The following EFL1 variants were observed in gnomAD, a reference collection of about 807,000 sequenced individuals.
The protein encoded by EFL1 is elongation factor like GTPase 1.
In EFL1, 76 loss-of-function variants were observed where a neutral mutation model predicts 126.7. That is an observed-to-expected ratio of 0.60 (90% CI 0.50 to 0.73). The LOEUF (loss-of-function observed/expected upper bound fraction) is 0.73. EFL1 is among the 30% of genes least tolerant of loss of function. EFL1 has a pLI of 0.00. For synonymous variants in EFL1, 410 were observed against 448.4 expected, an observed-to-expected ratio of 0.91 and a Z score of 1.08; for missense variants, 1,128 against 1,343.2, an observed-to-expected ratio of 0.84 and a Z score of 2.50.
chr15:82,142,785 T>G (rs186398916), intron 18 of EFL1, among the ~76,000 whole-genome samples: 24 of 152,214 alleles, frequency 1.6e-4, no homozygotes, highest in African/African-American at 5.5e-4. Context: ...GCAAAACCAT[T>G]TGAGGTTTTG....
At chr15:82,144,546 ATTACT>A (rs1459685879) in intron 18 of EFL1, among the ~76,000 whole-genome samples, 1 of 152,226 alleles carries the variant, frequency 6.6e-6, no homozygotes, top group Non-Finnish European at 1.5e-5. Flanking sequence ...TTACTTTCTA[ATTACT>A]TTATATAATT....
chr15:82,158,791 T>G (rs2073993300), intron 16 of EFL1, among the ~76,000 whole-genome samples: 1 of 152,218 alleles, frequency 6.6e-6, no homozygotes, highest in Non-Finnish European at 1.5e-5. Flanking sequence ...AAAGTTCTAA[T>G]AATAACTAAC....
chr15:82,181,646 A>G (rs80107678), intron 15 of EFL1, among the ~76,000 whole-genome samples: 15,285 of 100,380 alleles, frequency 0.15, 864 homozygotes, highest in Middle Eastern at 0.18. Flanking sequence ...GTGTGTGTGT[A>G]TATATATATA....
In EFL1 at chr15:82,152,523, T is replaced by C. The variant is rs191923120; in HGVS notation, c.2031-100A>G. ...ACACAGTGGAGATTCTGTAAAAACATAGGAACATAAAAATTATCTTACTAT... is the reference window on the plus strand; with the variant it reads ...ACACAGTGGAGATTCTGTAAAAACACAGGAACATAAAAATTATCTTACTAT... On this transcript the variant is annotated intron_variant, in intron 17 of 19. Transcript: ENST00000268206. The C allele has an allele frequency of 1.3e-4, 135 of 1,024,864 alleles. No homozygotes were observed. In the East Asian group the frequency reaches 2.6e-3, roughly 19 times the overall value. 63.5% of individuals were successfully genotyped at this position (1,024,864 alleles called of 1,614,324 possible). A position where few individuals can be genotyped will look rare whatever the true frequency, so the allele number is the denominator to read the frequency against.
chr15:82,238,116 G>T (rs993602900), intron 7 of EFL1, among the ~76,000 whole-genome samples, 191 bp downstream of exon 7: 1 of 152,108 alleles, frequency 6.6e-6, no homozygotes, highest in Admixed American at 6.6e-5. Flanking sequence ...CTTGGTTATT[G>T]TACTACAGTT....
chr15:82,261,846 GC>G, intron 1 of EFL1, 49 bp from the exon 2 acceptor site: 1 of 1,441,582 alleles, frequency 6.9e-7, no homozygotes, highest in South Asian at 1.2e-5. Flanking sequence ...AAAGGTCGGG[GC>G]AAAAGAAAAA....
intron 12 of EFL1, among the ~76,000 whole-genome samples, chr15:82,223,060 T>A (rs568803746): frequency 3.3e-5 from 5 of 152,152 alleles, no homozygotes; most frequent in Admixed American, 1.3e-4. Flanking sequence ...AGGGAAAAAA[T>A]TTTTTAGGCT....
rs35063141 is a variant in EFL1, at chr15:82,181,622, A to ATGTGTGTGTGTGTG, written c.1751-17652_1751-17639dup. The stretch of plus-strand genomic sequence containing the variant: ...CATGAATTCTAATTTATGTGTGTGC[A>ATGTGTGTGTGTGTG]TGTGTGTGTGTGTGTGTGTGTGTAT... On this transcript the variant is annotated intron_variant, in intron 15 of 19. Transcript: ENST00000268206. Among the ~76,000 whole-genome samples the ATGTGTGTGTGTGTG allele has an allele frequency of 1.0e-3, 156 of 149,468 alleles. 1 individual carries two copies. Among genetic ancestry groups the ATGTGTGTGTGTGTG allele is most frequent in the African/African-American group, 3.1e-3 (123 of 40,302 alleles).
At position 82,208,814 on chromosome 15, in the gene EFL1, C is replaced by T. The variant is rs116121901; in HGVS notation, c.1750+5903G>A. 4.4e-4 allele frequency among the ~76,000 whole-genome samples: 67 copies of T among 151,812 alleles called. 1 individual carries two copies. The highest frequency in any genetic ancestry group is 1.6e-3 in the African/African-American group (65 of 41,376). ...TTAAAAAAAAAATACTTTCCCGGCA[C>T]AATAAATAAGAGACACCATGAATCG... is the stretch of plus-strand genomic sequence containing the variant. On this transcript the variant is annotated intron_variant, in intron 15 of 19. Coordinates refer to ENST00000268206, the MANE Select transcript of EFL1 (RefSeq NM_024580.6).
At chr15:82,225,119 C>A in intron 12 of EFL1, 46 bp downstream of exon 12, 1 of 1,471,666 alleles carries the variant, frequency 6.8e-7, no homozygotes, top group Non-Finnish European at 9.4e-7. Context: ...TCCCACCAAA[C>A]ATACACCATA....
At position 82,151,582 on chromosome 15, in the gene EFL1, A is replaced by T. The variant is rs777772132; in HGVS notation, c.2872T>A (p.Ser958Thr). The T allele has an allele frequency of 2.5e-6, 4 of 1,614,018 alleles. No individual in the cohort carries two copies. The African/African-American group carries it at 5.3e-5, about 22-fold the overall frequency. ...TTCATGGTGGCAATTAGCTGTCCTGAGAAAGGTCCATAGCAGTCAGTGAGT... is the reference window on the plus strand; with the variant it reads ...TTCATGGTGGCAATTAGCTGTCCTGTGAAAGGTCCATAGCAGTCAGTGAGT... ...SPLTDCYGPF[S>T]GQLIATMKEA... Residue 958 changes from serine (S) to threonine (T), a missense_variant, in exon 18 of 20, where the codon TCA (serine) becomes ACA (threonine). Ser to Thr is a moderately conservative substitution (Grantham distance 58). This residue lies in a region of EFL1 where 561 missense variants were observed against 641.7 expected (regional missense o/e 0.87). Transcript: ENST00000268206.
At chr15:82,242,173 T>C (rs2074938001) in intron 4 of EFL1, among the ~76,000 whole-genome samples, 1 of 152,200 alleles carries the variant, frequency 6.6e-6, no homozygotes, top group Admixed American at 6.5e-5. Flanking sequence ...TAGTTAATAC[T>C]TTAGAATTCT....
At chr15:82,140,303 A>G (rs2073771802) in intron 18 of EFL1, among the ~76,000 whole-genome samples, 1 of 152,070 alleles carries the variant, frequency 6.6e-6, no homozygotes, top group African/African-American at 2.4e-5. Flanking sequence ...AAATTTCACA[A>G]TAATTTTCAT....
At chr15:82,204,767 G>A (rs147588679) in intron 15 of EFL1, among the ~76,000 whole-genome samples, 1,623 of 152,276 alleles carry the variant, frequency 0.011, 28 homozygotes, top group African/African-American at 0.037. Flanking sequence ...ACCTGCTAGT[G>A]TCTTATTAGT....
At chr15:82,197,040 A>T (rs898936168) in intron 15 of EFL1, among the ~76,000 whole-genome samples, 8 of 152,152 alleles carry the variant, frequency 5.3e-5, no homozygotes, top group African/African-American at 1.9e-4. Flanking sequence ...TTAAAAAAAA[A>T]AAAAAAAAAT....
chr15:82,246,838 A>C (rs1344955421), intron 4 of EFL1, among the ~76,000 whole-genome samples: 1 of 152,104 alleles, frequency 6.6e-6, no homozygotes, highest in African/African-American at 2.4e-5. Flanking sequence ...AGGTAGGCTG[A>C]AAGAGACCAG....
chr15:82,222,220 A>T (rs1354548292), intron 12 of EFL1, among the ~76,000 whole-genome samples: 1 of 152,240 alleles, frequency 6.6e-6, no homozygotes, highest in Admixed American at 6.5e-5. Flanking sequence ...CACAACAATT[A>T]AATGAAGTAG....
intron 15 of EFL1, among the ~76,000 whole-genome samples, chr15:82,165,911 T>C (rs1240884163): frequency 6.6e-6 from 1 of 152,222 alleles, no homozygotes; most frequent in Non-Finnish European, 1.5e-5. Context: ...TCCAGTGTAC[T>C]TCTTTGGTCA....
intron 18 of EFL1, among the ~76,000 whole-genome samples, chr15:82,140,378 A>C (rs1048033553): frequency 5.3e-5 from 8 of 152,006 alleles, no homozygotes; most frequent in African/African-American, 1.9e-4. Flanking sequence ...TGGTATTTGA[A>C]GCTACTGATT....
Sources: allele counts gnomAD v4.1 joint callset (sites outside exome capture counted in the v4.1 genomes callset), GRCh38; gene constraint gnomAD v4.1.1; regional missense constraint gnomAD v4.1.1; transcripts MANE v1.5; gene names NCBI Gene and HGNC (gene_info 2026-07-23, HGNC 2026-07-21).